C3orf52: variants seen among roughly 807,000 people sequenced by gnomAD.
C3orf52 encodes TPA-induced transmembrane protein.
Under a neutral mutation model 24.8 loss-of-function variants are expected in C3orf52, and 22 were observed. The ratio of observed to expected loss-of-function variants is 0.89; its 90% CI spans 0.63 to 1.27. The LOEUF is 1.27. C3orf52 is among the 50% of genes most tolerant of loss of function. The pLI is 0.00. For synonymous variants in C3orf52, 93 were observed against 100.2 expected (o/e 0.93, Z 0.43); for missense variants, 265 against 260.7 (o/e 1.02, Z -0.11).
chr3:112,112,985 G>T lies in C3orf52; in HGVS notation c.489G>T (p.Thr163=). Residue 163 remains threonine (T), a synonymous_variant, in exon 5 of 6, where the codon ACG becomes ACT. Coordinates refer to ENST00000264848, the MANE Select transcript of C3orf52 (RefSeq NM_024616.3). ...TCAGTGGTGAAAATGCCACAGTAAC[G>T]TATGACCTGCAATTTGGGGTTCCAT... is the stretch of plus-strand genomic sequence containing the variant. The part of the protein sequence containing the change: ...VDFSGENATV[T]YDLQFGVPSD... 1.9e-6 allele frequency: 3 copies of T among 1,607,406 alleles called. No homozygotes were observed. The highest frequency in any genetic ancestry group is 2.2e-5 in the East Asian group (1 of 44,770).
chr3:112,097,974 G>C (rs992874157), intron 2 of C3orf52, among the ~76,000 whole-genome samples: 2 of 152,156 alleles, frequency 1.3e-5, no homozygotes, highest in African/African-American at 4.8e-5. Context: ...AAGTCTGAAT[G>C]CAAAAATTCG....
At chr3:112,120,227 A>T (rs986773106), downstream of C3orf52, among the ~76,000 whole-genome samples, 1 of 152,236 alleles carries the variant, frequency 6.6e-6, no homozygotes, top group Non-Finnish European at 1.5e-5. Context: ...AATTGAGGCT[A>T]TAGGCTTGGA....
chr3:112,090,711 C>G (rs2073869929), intron 1 of C3orf52, among the ~76,000 whole-genome samples: 1 of 152,132 alleles, frequency 6.6e-6, no homozygotes, highest in South Asian at 2.1e-4. Context: ...AATTTGTGAT[C>G]TCTAAGGGAC....
At chr3:112,126,499 C>T (rs2074321733) in intron 4 of C3orf52, among the ~76,000 whole-genome samples, 1 of 152,182 alleles carries the variant, frequency 6.6e-6, no homozygotes, top group African/African-American at 2.4e-5. Flanking sequence ...GGTATCTGCT[C>T]TTCCGGCTCC....
chr3:112,110,013 C>T lies in C3orf52; in HGVS notation c.467+400C>T, dbSNP rs561930689. 6.6e-5 allele frequency among the ~76,000 whole-genome samples: 10 copies of T among 152,292 alleles called. No homozygotes were observed. The Middle Eastern group carries it at 0.017, about 259-fold the overall frequency. Reference sequence around the variant, plus strand: ...GAGGAGCACAAGTAATACAGGAGTACATTCTCCTTGTTTAGTATTAAAGAT... The same window carrying T: ...GAGGAGCACAAGTAATACAGGAGTATATTCTCCTTGTTTAGTATTAAAGAT... On this transcript the variant is annotated intron_variant, in intron 4 of 5. Coordinates refer to ENST00000264848, the MANE Select transcript of C3orf52 (RefSeq NM_024616.3).
intron 5 of C3orf52, among the ~76,000 whole-genome samples, chr3:112,114,404 TA>T (rs34730547): frequency 0.04 from 4,827 of 122,104 alleles, 235 homozygotes; most frequent in African/African-American, 0.12. Context: ...TTACAGGAAT[TA>T]AAAAAAAAAA....
At chr3:112,100,175 G>A (rs745390285) in intron 2 of C3orf52, among the ~76,000 whole-genome samples, 13 of 152,018 alleles carry the variant, frequency 8.6e-5, no homozygotes, top group Non-Finnish European at 1.3e-4. Context: ...ATGACCACCC[G>A]ATTAACCTCC....
At chr3:112,092,129 AC>A (rs2073884142) in intron 1 of C3orf52, among the ~76,000 whole-genome samples, 1 of 152,106 alleles carries the variant, frequency 6.6e-6, no homozygotes, top group African/African-American at 2.4e-5. Context: ...CTGAGGAATG[AC>A]TGAGGCGCAG....
intron 1 of C3orf52, 44 bp from the exon 2 acceptor site, chr3:112,093,316 T>C (rs2073896009): frequency 1.2e-6 from 2 of 1,608,382 alleles, no homozygotes; most frequent in Non-Finnish European, 1.7e-6. Flanking sequence ...GAACTGTCTG[T>C]TGCAACACAA....
At chr3:112,120,208 G>A (rs898490864), downstream of C3orf52, among the ~76,000 whole-genome samples, 6 of 152,202 alleles carry the variant, frequency 3.9e-5, no homozygotes, top group African/African-American at 1.4e-4. Flanking sequence ...CAGATCAAGT[G>A]GGTTTCTGAA....
At chr3:112,102,083 A>G (rs2073976801) in intron 2 of C3orf52, among the ~76,000 whole-genome samples, 1 of 151,930 alleles carries the variant, frequency 6.6e-6, no homozygotes. Flanking sequence ...CAAGCAGAGC[A>G]TGTCAACATA....
chr3:112,131,139 C>T (rs1463388463), downstream of C3orf52: 1 of 152,168 alleles, frequency 6.6e-6, no homozygotes, highest in Non-Finnish European at 1.5e-5. Context: ...TTCATTTAAT[C>T]CCAGAATAAA....
At chr3:112,092,634 G>A (rs1192542726) in intron 1 of C3orf52, among the ~76,000 whole-genome samples, 3 of 152,226 alleles carry the variant, frequency 2.0e-5, no homozygotes, top group Non-Finnish European at 4.4e-5. Context: ...TTAGGGTTAA[G>A]TGAAATGACG....
At chr3:112,110,052 G>A (rs751563638) in intron 4 of C3orf52, among the ~76,000 whole-genome samples, 5 of 152,198 alleles carry the variant, frequency 3.3e-5, no homozygotes, top group African/African-American at 1.2e-4. Context: ...AAGAGGGGCC[G>A]GGCGTGGTAG....
intron 3 of C3orf52, among the ~76,000 whole-genome samples, chr3:112,105,823 CAAAAAAAAA>C (rs761974909): frequency 1.2e-5 from 1 of 83,362 alleles, no homozygotes; most frequent in African/African-American, 4.4e-5. Context: ...ACTTAGTCTC[CAAAAAAAAA>C]AAAAAAAAAA....
chr3:112,132,450 AAAAG>A (rs1298046417), downstream of C3orf52, among the ~76,000 whole-genome samples: 2 of 152,240 alleles, frequency 1.3e-5, no homozygotes, highest in African/African-American at 4.8e-5. Context: ...GATGGTCAGA[AAAAG>A]AAAGCAGAAA....
chr3:112,113,877 C>T (rs1488462915), intron 5 of C3orf52, among the ~76,000 whole-genome samples: 1 of 152,200 alleles, frequency 6.6e-6, no homozygotes, highest in Non-Finnish European at 1.5e-5. Context: ...TGTAGTGAAG[C>T]TCTGGCCTTT....
chr3:112,120,307 A>C (rs1334589975), downstream of C3orf52, among the ~76,000 whole-genome samples: 8 of 152,152 alleles, frequency 5.3e-5, no homozygotes, highest in Admixed American at 5.2e-4. Context: ...GGAGACTTCT[A>C]TTTCCTGTTC....
At chr3:112,087,269 G>T (rs2073838502) in intron 1 of C3orf52, among the ~76,000 whole-genome samples, 1 of 152,152 alleles carries the variant, frequency 6.6e-6, no homozygotes, top group Admixed American at 6.5e-5. Context: ...CGCCCACCTT[G>T]CTTTTACCTC....
Sources: gnomAD v4.1 joint callset for allele counts (sites outside exome capture counted in the v4.1 genomes callset) on GRCh38, gnomAD v4.1.1 for gene constraint, MANE v1.5 for transcripts, NCBI Gene and HGNC (gene_info 2026-07-23, HGNC 2026-07-21) for gene names.